Variants in CCDC7 observed in about 807,000 individuals in gnomAD.
CCDC7 encodes the protein coiled-coil domain containing 7, also known as coiled-coil domain-containing protein 7.
A neutral mutation model predicts 196.9 loss-of-function variants in CCDC7; 183 were observed. The observed-to-expected ratio is 0.93, with a 90% CI of 0.82 to 1.05. The LOEUF is 1.05. CCDC7 is among the 50% of genes least tolerant of loss of function. The probability of loss-of-function intolerance (pLI) is 0.00; values close to 1 mark genes in which losing one functional copy is unlikely to be tolerated. For missense variants in CCDC7, 1,540 were observed against 1,482.2 expected (o/e 1.04, Z -0.64); for synonymous variants, 525 against 484.6 (o/e 1.08, Z -1.10).
At chr10:32,805,519 T>TTA (rs1360895229) in intron 30 of CCDC7, among the ~76,000 whole-genome samples, 1 of 152,192 alleles carries the variant, frequency 6.6e-6, no homozygotes, top group Non-Finnish European at 1.5e-5. Flanking sequence ...TACTTTAAAA[T>TTA]GTCAGGCATG....
At chr10:32,582,760 AT>A (rs2058864648) in intron 16 of CCDC7, among the ~76,000 whole-genome samples, 1 of 152,042 alleles carries the variant, frequency 6.6e-6, no homozygotes, top group African/African-American at 2.4e-5. Flanking sequence ...GGCTGAGTAA[AT>A]TTTTCTTGTT....
At chr10:32,542,012 G>A (rs980469757) in intron 11 of CCDC7, among the ~76,000 whole-genome samples, 6 of 152,284 alleles carry the variant, frequency 3.9e-5, no homozygotes, top group Admixed American at 2.6e-4. Context: ...ATAGTAACGT[G>A]GTTTCTCAGA....
chr10:32,648,136 G>A (rs2068096327), intron 20 of CCDC7, among the ~76,000 whole-genome samples: 1 of 150,208 alleles, frequency 6.7e-6, no homozygotes, highest in Admixed American at 6.6e-5. Context: ...TCAGATGGCT[G>A]TAGGTGTGGG....
chr10:32,625,623 A>G (rs1331843211), intron 18 of CCDC7, among the ~76,000 whole-genome samples: 2 of 152,154 alleles, frequency 1.3e-5, no homozygotes, highest in South Asian at 2.1e-4. Flanking sequence ...CAATTTTGAA[A>G]TGTACAATAT....
chr10:32,851,713 C>T (rs1411358464), intron 39 of CCDC7, 94 bp from the exon 41 acceptor site: 26 of 1,180,458 alleles, frequency 2.2e-5, no homozygotes, highest in Non-Finnish European at 3.1e-5. Flanking sequence ...TATTTAGATG[C>T]TTTGATGTTG....
At chr10:32,878,610 C>T (rs1422921240), downstream of CCDC7, among the ~76,000 whole-genome samples, 1 of 152,038 alleles carries the variant, frequency 6.6e-6, no homozygotes, top group East Asian at 1.9e-4. Flanking sequence ...AAGACTTTGG[C>T]TGCCATCAAA....
intron 2 of CCDC7, among the ~76,000 whole-genome samples, chr10:32,455,466 C>T (rs560021425): frequency 3.7e-4 from 56 of 152,070 alleles, no homozygotes; most frequent in Admixed American, 1.1e-3. Flanking sequence ...CGGTGTGCGG[C>T]GCCTCGCCCA....
intron 15 of CCDC7, among the ~76,000 whole-genome samples, chr10:32,570,544 C>T (rs955795804): frequency 2.6e-5 from 4 of 152,178 alleles, no homozygotes; most frequent in Non-Finnish European, 5.9e-5. Flanking sequence ...GGTCAGTCTT[C>T]GTGGTAGGGA....
chr10:32,729,488 G>A (rs1034086838), intron 28 of CCDC7, 31 bp downstream of exon 29: 5 of 1,031,750 alleles, frequency 4.8e-6, no homozygotes, highest in East Asian at 2.8e-5. Flanking sequence ...CTTATAAATT[G>A]TTTTTATTAA....
chr10:32,656,462 C>A (rs1403002924), intron 20 of CCDC7, among the ~76,000 whole-genome samples: 1 of 152,154 alleles, frequency 6.6e-6, no homozygotes, highest in African/African-American at 2.4e-5. Context: ...AGGAAACTTA[C>A]AATCATGGCA....
chr10:32,717,422 G>A (rs538589260), intron 25 of CCDC7, among the ~76,000 whole-genome samples: 6 of 152,294 alleles, frequency 3.9e-5, no homozygotes, highest in East Asian at 1.9e-4. Context: ...GCCCACATGA[G>A]AAAGTGGGAA....
intron 28 of CCDC7, among the ~76,000 whole-genome samples, chr10:32,731,538 A>G (rs754056753): frequency 6.6e-6 from 1 of 152,240 alleles, no homozygotes; most frequent in East Asian, 1.9e-4. Flanking sequence ...AATGTGTCAC[A>G]TATGTTATAA....
Position 32,642,313 on chromosome 10 carries a change from C to A in CCDC7, c.2014+7155C>A, listed in dbSNP as rs533547365. Among the ~76,000 whole-genome samples the A allele has an allele frequency of 2.0e-5, 3 of 152,318 alleles. No homozygotes were observed. The South Asian group carries it at 6.2e-4, about 32-fold the overall frequency. ...TGGGCTCCACCCAGTTTGAGTTTCCCAGCCGCTTTGTTTACCTACTCAAGC... is the reference window on the plus strand; with the variant it reads ...TGGGCTCCACCCAGTTTGAGTTTCCAAGCCGCTTTGTTTACCTACTCAAGC... On this transcript the variant is annotated intron_variant, in intron 20 of 41. Coordinates refer to ENST00000639629, the Ensembl canonical transcript of CCDC7.
intron 23 of CCDC7, among the ~76,000 whole-genome samples, chr10:32,691,703 A>G (rs1175078228): frequency 1.3e-5 from 2 of 151,958 alleles, no homozygotes; most frequent in Non-Finnish European, 2.9e-5. Flanking sequence ...CTGCAGATGA[A>G]GGCCCAAACA....
At chr10:32,834,683 C>A in intron 32 of CCDC7, 132 bp from the exon 34 acceptor site, 3 of 415,992 alleles carry the variant, frequency 7.2e-6, no homozygotes, top group East Asian at 4.9e-5. Flanking sequence ...ACTAATTCAT[C>A]TTCTTTAATG....
chr10:32,828,485 G>GAAGAAGAAGAAGAAA lies in CCDC7; in HGVS notation c.3268+3881_3268+3882insAAGAAGAAGAAGAAA, dbSNP rs1491309680. Among the ~76,000 whole-genome samples, 4 of 49,676 alleles carry GAAGAAGAAGAAGAAA rather than the reference G, an allele frequency of 8.1e-5. 1 individual carries two copies. The highest frequency in any genetic ancestry group is 2.5e-4 in the African/African-American group (4 of 15,956). 32.6% of individuals were successfully genotyped at this position (49,676 alleles called of 152,430 possible). On this transcript the variant is annotated intron_variant, in intron 32 of 41. Transcript: ENST00000639629. The stretch of plus-strand genomic sequence containing the variant: ...AAGAAGAGGAAGAGGAAGAGGAAGA[G>GAAGAAGAAGAAGAAA]GAAGAAGAAGAAGAAGAAGAAGAAG...
chr10:32,559,430 G>T (rs1036896896), intron 13 of CCDC7, among the ~76,000 whole-genome samples: 2 of 152,332 alleles, frequency 1.3e-5, no homozygotes, highest in African/African-American at 4.8e-5. Flanking sequence ...CCCCCAGTAG[G>T]GGCAGACTGA....
intron 18 of CCDC7, among the ~76,000 whole-genome samples, chr10:32,612,880 G>GTT (rs200935904): frequency 5.0e-4 from 73 of 144,772 alleles, no homozygotes; most frequent in Non-Finnish European, 6.7e-4. Context: ...AATTTTCTTT[G>GTT]TTTTTTTTTT....
chr10:32,734,928 T>TTAAAA (rs377052804), intron 28 of CCDC7, among the ~76,000 whole-genome samples: 4 of 151,908 alleles, frequency 2.6e-5, no homozygotes, highest in East Asian at 3.9e-4. Context: ...ATAAAATAAG[T>TTAAAA]TAAAATAAAA....
Sources: allele counts gnomAD v4.1 joint callset (sites outside exome capture counted in the v4.1 genomes callset), GRCh38; gene constraint gnomAD v4.1.1; transcripts MANE v1.5; gene names NCBI Gene and HGNC (gene_info 2026-07-23, HGNC 2026-07-21).